Variants in FGF13 observed in about 807,000 individuals in gnomAD.
FGF13 encodes the protein fibroblast growth factor 13.
In FGF13, 2 loss-of-function variants were observed where a neutral mutation model predicts 19.5. The observed-to-expected ratio is 0.10, with a 90% CI of 0.04 to 0.32. FGF13 has a LOEUF of 0.32. Among genes scored for constraint, FGF13 ranks in the 10% least tolerant of loss-of-function variants. FGF13 has a pLI of 1.00. For missense variants in FGF13, 113 were observed against 192.7 expected (o/e 0.59, Z 2.45); for synonymous variants, 72 against 76.9 (o/e 0.94, Z 0.33).
chrX:139,117,255 A>C (rs1386892326), intron 1 of FGF13, among the ~76,000 whole-genome samples: 1 of 111,131 alleles, frequency 9.0e-6, no homozygotes, highest in Non-Finnish European at 1.9e-5. Flanking sequence ...GAGTTGGTAG[A>C]GGCCAGGATT....
chrX:138,788,835 G>A (rs765247273), intron 3 of FGF13, among the ~76,000 whole-genome samples: 1 of 111,643 alleles, frequency 9.0e-6, no homozygotes, highest in South Asian at 3.8e-4. Flanking sequence ...AAATCTTTAA[G>A]TTCTAGTTCC....
intron 3 of FGF13, among the ~76,000 whole-genome samples, chrX:138,686,584 A>G (rs1482607150): frequency 8.9e-6 from 1 of 111,930 alleles, no homozygotes. Context: ...CTCTTACAAC[A>G]CATTTCATAC....
chrX:139,179,337 C>A (rs187935545), intron 1 of FGF13, among the ~76,000 whole-genome samples: 1 of 111,479 alleles, frequency 9.0e-6, no homozygotes, highest in African/African-American at 3.3e-5. Context: ...TTCGAAGAAT[C>A]ATTCTTTCAT....
chrX:138,942,942 T>C (rs2091765664), intron 1 of FGF13, among the ~76,000 whole-genome samples: 1 of 111,597 alleles, frequency 9.0e-6, no homozygotes, highest in Admixed American at 9.6e-5. Context: ...AAAATTTTAT[T>C]TGGGCCTGAC....
At chrX:139,000,881 A>T (rs997957460) in intron 1 of FGF13, among the ~76,000 whole-genome samples, 1 of 111,947 alleles carries the variant, frequency 8.9e-6, no homozygotes, top group African/African-American at 3.3e-5. Context: ...AGCCAAGACA[A>T]TCCTAAGCCA....
chrX:138,935,117 T>A (rs2091724969), intron 1 of FGF13, among the ~76,000 whole-genome samples: 1 of 110,749 alleles, frequency 9.0e-6, no homozygotes, highest in Non-Finnish European at 1.9e-5. Context: ...AGAATCGAAG[T>A]TTCAGAGTCT....
At chrX:138,926,512 A>T (rs1213438976) in intron 1 of FGF13, among the ~76,000 whole-genome samples, 1 of 111,548 alleles carries the variant, frequency 9.0e-6, no homozygotes, top group Non-Finnish European at 1.9e-5. Context: ...AGGATGATCA[A>T]TGTGGGCCTC....
intron 1 of FGF13, among the ~76,000 whole-genome samples, chrX:139,188,978 T>C (rs1241607860): frequency 9.1e-6 from 1 of 110,360 alleles, no homozygotes; most frequent in Non-Finnish European, 1.9e-5. Context: ...GGGGGACACA[T>C]ATAAACAGGA....
At chrX:138,893,764 G>C (rs1235047186) in intron 1 of FGF13, among the ~76,000 whole-genome samples, 1 of 111,530 alleles carries the variant, frequency 9.0e-6, no homozygotes, top group African/African-American at 3.3e-5. Context: ...ACCTTGTATA[G>C]TGCCCAGCAT....
chrX:138,794,029 C>A (rs1266353086), intron 3 of FGF13, among the ~76,000 whole-genome samples: 1 of 111,585 alleles, frequency 9.0e-6, no homozygotes, highest in Admixed American at 9.6e-5. Context: ...GGACTGTACT[C>A]CCATGCCCAA....
At chrX:139,007,982 T>G (rs2092110795) in intron 1 of FGF13, among the ~76,000 whole-genome samples, 1 of 112,829 alleles carries the variant, frequency 8.9e-6, no homozygotes, top group South Asian at 3.6e-4. Flanking sequence ...GACTGGCCTT[T>G]AGGACTGCAG....
chrX:138,915,469 C>G (rs1440846490), intron 1 of FGF13, among the ~76,000 whole-genome samples: 2 of 112,172 alleles, frequency 1.8e-5, no homozygotes, highest in Non-Finnish European at 3.8e-5. Context: ...GTTCTACAAG[C>G]AGCTTTACCA....
intron 1 of FGF13, among the ~76,000 whole-genome samples, chrX:138,971,037 T>C (rs901134980): frequency 3.6e-5 from 4 of 111,503 alleles, no homozygotes; most frequent in Admixed American, 9.5e-5. Flanking sequence ...CTTCAGAAGT[T>C]GAGTGTTTCT....
chrX:139,014,356 C>G (rs1002060241), intron 1 of FGF13, among the ~76,000 whole-genome samples: 1 of 111,008 alleles, frequency 9.0e-6, no homozygotes, highest in African/African-American at 3.3e-5. Flanking sequence ...ACTGACAAAC[C>G]TTTAGCCAGA....
intron 1 of FGF13, among the ~76,000 whole-genome samples, chrX:138,709,482 G>C (rs758002877): frequency 6.3e-5 from 7 of 111,692 alleles, no homozygotes; most frequent in Admixed American, 3.8e-4. Flanking sequence ...TACCAAAAAA[G>C]GGAGGAGGGA....
At chrX:138,831,921 C>A (rs1462469690) in intron 3 of FGF13, among the ~76,000 whole-genome samples, 3 of 111,745 alleles carry the variant, frequency 2.7e-5, no homozygotes, top group African/African-American at 9.8e-5. Flanking sequence ...TAAGTGAGAA[C>A]ATGCAGTATT....
chrX:138,990,385 A>G (rs1368636422), intron 1 of FGF13: 1 of 111,027 alleles, frequency 9.0e-6, no homozygotes, highest in African/African-American at 3.3e-5. Context: ...CAGGCTTTAT[A>G]TTTAGACAGA....
chrX:139,179,461 A>AC lies in FGF13; in HGVS notation c.-113+23954_-113+23955insG, dbSNP rs1361127467. Among the ~76,000 whole-genome samples, 3 of 110,223 alleles carry AC rather than the reference A, an allele frequency of 2.7e-5. No homozygotes were observed. The East Asian group carries it at 8.5e-4, about 31-fold the overall frequency. ...CTTGTGATTCCAGGACATTAAAAAAAAAAAACATGCAGAGGAATTGGATTC... is the reference window on the plus strand; with the variant it reads ...CTTGTGATTCCAGGACATTAAAAAAACAAAAACATGCAGAGGAATTGGATTC... On this transcript the variant is annotated intron_variant, in intron 1 of 2. Transcript: ENST00000421460.
At chrX:138,886,663 T>A in intron 1 of FGF13, among the ~76,000 whole-genome samples, 1 of 112,071 alleles carries the variant, frequency 8.9e-6, no homozygotes, top group East Asian at 2.8e-4. Flanking sequence ...CATGAGATCA[T>A]GGATGTGAAA....
Sources: allele counts gnomAD v4.1 joint callset (sites outside exome capture counted in the v4.1 genomes callset), GRCh38; gene constraint gnomAD v4.1.1; transcripts MANE v1.5; gene names NCBI Gene and HGNC (gene_info 2026-07-23, HGNC 2026-07-21).